SYNM: variants seen among roughly 807,000 people sequenced by gnomAD.
SYNM encodes the protein desmuslin.
SYNM carries 95 observed loss-of-function variants against 104.0 expected under a neutral mutation model. That is an observed-to-expected ratio of 0.91 (90% CI 0.77 to 1.08). The LOEUF is 1.08. SYNM is among the 50% of genes least tolerant of loss of function. The pLI, the probability that SYNM is intolerant of heterozygous loss-of-function variation, is 0.00. For synonymous variants in SYNM, 918 were observed against 869.0 expected, an observed-to-expected ratio of 1.06 and a Z score of -0.99; for missense variants, 2,150 against 2,052.2, an observed-to-expected ratio of 1.05 and a Z score of -0.92.
In SYNM at chr15:99,132,471, AC is replaced by A; in HGVS notation, c.4113del (p.Phe1372SerfsTer22). ...ACAAACCGTTATGACTGAAAAGAGC[AC>A]CTTCCAAAGTGTCGTTTCTGAATCT... ...GRQTVMTEKS[T>X]FQSVVSESPQ... On this transcript the variant is annotated frameshift_variant, in exon 4 of 4. Coordinates refer to ENST00000336292, the MANE Select transcript of SYNM (RefSeq NM_145728.3). LOFTEE classifies it high-confidence loss of function. 1 of 1,614,020 alleles carries A rather than the reference AC, an allele frequency of 6.2e-7. No homozygotes were observed.
At position 99,135,487 on chromosome 15, in the gene SYNM, T is replaced by C. The variant is rs970273977; in HGVS notation, c.*2429T>C. On this transcript the variant is annotated 3_prime_UTR_variant, in exon 4 of 4. Transcript: ENST00000336292. ...TTTGATATTGTTTGTTTAAGATGTA[T>C]ATTTAGAATGACATCATCTAAGAAG... 3.3e-5 allele frequency: 5 copies of C among 152,650 alleles called. No homozygotes were observed. The highest frequency in any genetic ancestry group is 1.3e-4 in the Admixed American group (2 of 15,282). 9.5% of individuals were successfully genotyped at this position (152,650 alleles called of 1,614,324 possible).
chr15:99,115,097 G>A (rs1255005882), intron 2 of SYNM, among the ~76,000 whole-genome samples: 1 of 152,190 alleles, frequency 6.6e-6, no homozygotes, highest in Non-Finnish European at 1.5e-5. Flanking sequence ...CTGGTGAGGG[G>A]CAGAGCCAGC....
Position 99,105,988 on chromosome 15 carries a change from G to A in SYNM, c.789G>A (p.Gly263=), listed in dbSNP as rs554395562. 2.7e-6 allele frequency: 4 copies of A among 1,488,706 alleles called. No homozygotes were observed. The highest frequency in any genetic ancestry group is 2.7e-6 in the Non-Finnish European group (3 of 1,125,246). 92.2% of individuals were successfully genotyped at this position (1,488,706 alleles called of 1,614,324 possible). ...DALLRMREEY[G]IQAEERQRVI... is the part of the protein sequence containing the mutation. ...TGCTGCGGATGCGCGAGGAGTACGG[G>A]ATACAGGCCGAGGAGCGGCAGGTCC... The change falls in exon 1 of 4, where the codon GGG becomes GGA. Residue 263 remains glycine, a synonymous_variant. Transcript: ENST00000336292.
In SYNM at chr15:99,132,485, C is replaced by G; in HGVS notation, c.4125C>G (p.Val1375=). 1.2e-6 allele frequency: 2 copies of G among 1,613,976 alleles called. No individual in the cohort carries two copies. The highest frequency in any genetic ancestry group is 1.7e-6 in the Non-Finnish European group (2 of 1,179,900). ...CTGAAAAGAGCACCTTCCAAAGTGT[C>G]GTTTCTGAATCTCCCCAGGAGGATA... ...VMTEKSTFQS[V]VSESPQEDSA... Residue 1375 remains valine (V), a synonymous_variant, in exon 4 of 4, where the codon GTC becomes GTG. Transcript: ENST00000336292.
chr15:99,113,664 A>G lies in SYNM; in HGVS notation c.884A>G (p.Gln295Arg). Residue 295 changes from glutamine to arginine, a missense_variant, in exon 2 of 4, where the codon CAG becomes CGG. Transcript: ENST00000336292. Reference sequence around the variant, plus strand: ...ATGGCTGACTGGCTGCGGGACTATCAGGACCTCCTGCAGGTGAAGACCGGC... The same window carrying G: ...ATGGCTGACTGGCTGCGGGACTATCGGGACCTCCTGCAGGTGAAGACCGGC... ...LAMADWLRDY[Q>R]DLLQVKTGLS... 1 of 1,613,458 alleles carries G rather than the reference A, an allele frequency of 6.2e-7. No individual in the cohort carries two copies. The highest frequency in any genetic ancestry group is 1.1e-5 in the South Asian group (1 of 90,936).
At chr15:99,126,923 A>G in intron 3 of SYNM, 131 bp downstream of exon 3, 1 of 719,148 alleles carries the variant, frequency 1.4e-6, no homozygotes, top group Non-Finnish European at 2.2e-6. Context: ...TTCATCTCTC[A>G]TTTAAGTACC....
chr15:99,111,225 A>C (rs558649167), intron 1 of SYNM, among the ~76,000 whole-genome samples: 2 of 152,210 alleles, frequency 1.3e-5, no homozygotes, highest in South Asian at 4.1e-4. Context: ...GAGAGCTTTC[A>C]TCGTATTTTT....
chr15:99,126,608 G>A (rs2067450045), intron 2 of SYNM, 114 bp from the exon 3 acceptor site: 13 of 1,043,256 alleles, frequency 1.2e-5, no homozygotes, highest in Non-Finnish European at 1.8e-5. Context: ...TCAGGTAGAA[G>A]TCCTAAAACA....
chr15:99,130,691 G>C lies in SYNM; in HGVS notation c.2331G>C (p.Ser777=). 1 of 1,613,854 alleles carries C rather than the reference G, an allele frequency of 6.2e-7. No homozygotes were observed. Among genetic ancestry groups the C allele is most frequent in the African/African-American group, 1.3e-5 (1 of 75,028 alleles). ...AAGTGGAGGAGGTCGAAGATGTGTC[G>C]CCAGGCCCCTGGGGGTTGGTTAAGG... ...PFKVEEVEDV[S]PGPWGLVKEE... Residue 777 remains serine (S), a synonymous_variant, in exon 4 of 4, where the codon TCG becomes TCC. Transcript: ENST00000336292.
intron 2 of SYNM, among the ~76,000 whole-genome samples, chr15:99,117,508 G>C (rs2067360563): frequency 6.6e-6 from 1 of 152,254 alleles, no homozygotes; most frequent in South Asian, 2.1e-4. Flanking sequence ...ACTGACTTCT[G>C]TGTGTTAGGT....
intron 2 of SYNM, among the ~76,000 whole-genome samples, chr15:99,124,934 C>T (rs1036235998): frequency 1.3e-5 from 2 of 152,216 alleles, no homozygotes; most frequent in Non-Finnish European, 2.9e-5. Flanking sequence ...GTCCCCTGAA[C>T]CCAGCCAGAA....
rs576885384 is a variant in SYNM at position 99,133,011 on chromosome 15, CTCTA to C, written c.4656_4659del (p.Tyr1552Ter). The C allele has an allele frequency of 2.6e-4, 418 of 1,613,888 alleles. No homozygotes were observed. The highest frequency in any genetic ancestry group is 4.9e-4 in the Middle Eastern group (3 of 6,062). ...TTCAGATGAAAAGAAAGTTGCCCTC[CTCTA>C]TCTAGACAATGAGGAGGAGGAGAAT... On this transcript the variant is annotated frameshift_variant, in exon 4 of 4. Coordinates refer to ENST00000336292, the MANE Select transcript of SYNM (RefSeq NM_145728.3). LOFTEE classifies it high-confidence loss of function.
At chr15:99,128,549 C>T (rs1325306848) in intron 3 of SYNM, among the ~76,000 whole-genome samples, 2 of 152,202 alleles carry the variant, frequency 1.3e-5, no homozygotes, top group Admixed American at 6.5e-5. Context: ...GCCCTGTCCC[C>T]GCTGAGCCAG....
chr15:99,137,989 G>C (rs2067722701), downstream of SYNM: 6 of 1,613,934 alleles, frequency 3.7e-6, no homozygotes, highest in African/African-American at 1.3e-5. Flanking sequence ...GAATGTCCTA[G>C]GCTTTTTCAG....
chr15:99,130,116 G>C lies in SYNM; in HGVS notation c.1756G>C (p.Asp586His). 1 of 1,613,920 alleles carries C rather than the reference G, an allele frequency of 6.2e-7. No individual in the cohort carries two copies. The highest frequency in any genetic ancestry group is 8.5e-7 in the Non-Finnish European group (1 of 1,179,884). Residue 586 changes from aspartate to histidine, a missense_variant, in exon 4 of 4, where the codon GAC (aspartate) becomes CAC (histidine). Coordinates refer to ENST00000336292, the MANE Select transcript of SYNM (RefSeq NM_145728.3). The stretch of plus-strand genomic sequence containing the variant: ...GCCGATTAGTCTAGAAGTATCCCAG[G>C]ACAGAAGAGCAGAGGTGTCCCCGAA... ...EVPISLEVSQ[D>H]RRAEVSPKGL... is the part of the protein sequence containing the mutation.
intron 1 of SYNM, among the ~76,000 whole-genome samples, chr15:99,111,853 T>C (rs1183973303): frequency 6.6e-6 from 1 of 152,248 alleles, no homozygotes; most frequent in Admixed American, 6.5e-5. Flanking sequence ...AAGACCATCC[T>C]GGCCAACGTG....
At chr15:99,137,697 C>T, downstream of SYNM, 1 of 319,666 alleles carries the variant, frequency 3.1e-6, no homozygotes, top group Non-Finnish European at 5.9e-6. Flanking sequence ...GACTCCTGCA[C>T]AGGGCGCACT....
chr15:99,134,263 C>T lies in SYNM; in HGVS notation c.*1205C>T, dbSNP rs71403425. On this transcript the variant is annotated 3_prime_UTR_variant, in exon 4 of 4. Coordinates refer to ENST00000336292, the MANE Select transcript of SYNM (RefSeq NM_145728.3). ...GGATATCTCTCCTGCAGCCCAGCACCGAGATACCCAGGACGGGCCTGGGGG... is the reference window on the plus strand; with the variant it reads ...GGATATCTCTCCTGCAGCCCAGCACTGAGATACCCAGGACGGGCCTGGGGG... 4 of 151,922 alleles carry T rather than the reference C, an allele frequency of 2.6e-5. No homozygotes were observed. The highest frequency in any genetic ancestry group is 1.9e-4 in the East Asian group (1 of 5,156). The allele number at this position is 151,922 out of a possible 1,614,324, so 9.4% of individuals were successfully genotyped here. A position where few individuals can be genotyped will look rare whatever the true frequency, so the allele number is the denominator to read the frequency against.
chr15:99,140,836 A>G, the SYNM span: 1 of 152,242 alleles, frequency 6.6e-6, no homozygotes, highest in East Asian at 1.9e-4. Context: ...AGATTCTTGC[A>G]GTGCACAGAA....
Sources: gnomAD v4.1 joint callset for allele counts (sites outside exome capture counted in the v4.1 genomes callset) on GRCh38, gnomAD v4.1.1 for gene constraint, MANE v1.5 for transcripts, NCBI Gene and HGNC (gene_info 2026-07-23, HGNC 2026-07-21) for gene names.